C5orf47: variants seen among roughly 807,000 people sequenced by gnomAD.
C5orf47 encodes the protein chromosome 5 open reading frame 47.
C5orf47 carries 20 observed loss-of-function variants against 20.6 expected under a neutral mutation model. The observed-to-expected ratio is 0.97, with a 90% CI of 0.68 to 1.41. C5orf47 has a LOEUF of 1.41. Among genes scored for constraint, C5orf47 ranks in the 40% most tolerant of loss-of-function variants. The probability of loss-of-function intolerance (pLI) is 0.00; values close to 1 mark genes in which losing one functional copy is unlikely to be tolerated. For missense variants in C5orf47, 262 were observed against 238.4 expected (o/e 1.10, Z -0.65); for synonymous variants, 106 against 97.3 (o/e 1.09, Z -0.53).
chr5:174,006,299 G>C (rs1759292746), downstream of C5orf47, among the ~76,000 whole-genome samples: 1 of 152,184 alleles, frequency 6.6e-6, no homozygotes, highest in African/African-American at 2.4e-5. Context: ...GCAACTTACG[G>C]TTTGGGTTCT....
chr5:173,990,128 T>A (rs1028195040), intron 1 of C5orf47, among the ~76,000 whole-genome samples: 1 of 116,510 alleles, frequency 8.6e-6, no homozygotes, highest in African/African-American at 2.8e-5. Flanking sequence ...GAAGCCAATT[T>A]TTTTTTTTTT....
intron 1 of C5orf47, among the ~76,000 whole-genome samples, chr5:173,997,709 G>GGT (rs112339082): frequency 0.049 from 7,290 of 150,226 alleles, 339 homozygotes; most frequent in African/African-American, 0.12. Flanking sequence ...TGCCTGGGAG[G>GGT]GTGTGTGTGT....
In C5orf47 at chr5:173,989,493, T is replaced by A. The variant is rs1270607041; in HGVS notation, c.230T>A (p.Val77Asp). The A allele has an allele frequency of 6.5e-7, 1 of 1,546,358 alleles. No homozygotes were observed. The highest frequency in any genetic ancestry group is 1.4e-5 in the African/African-American group (1 of 72,708). Reference sequence around the variant, plus strand: ...CTGCCCCTCGGTTCCCAGCTCAGGGTCCCCACGACCCCTGGTGTGGAGGCT... The same window carrying A: ...CTGCCCCTCGGTTCCCAGCTCAGGGACCCCACGACCCCTGGTGTGGAGGCT... ...SELPLGSQLR[V>D]PTTPGVEAAA... Residue 77 changes from valine to aspartate, a missense_variant, in exon 1 of 5, where the codon GTC becomes GAC. Val to Asp is a radical substitution (Grantham distance 152, BLOSUM62 -3). Coordinates refer to ENST00000340147, the MANE Select transcript of C5orf47 (RefSeq NM_001144954.2).
chr5:173,998,884 C>T (rs191153264), intron 2 of C5orf47, among the ~76,000 whole-genome samples: 5 of 152,148 alleles, frequency 3.3e-5, no homozygotes, highest in East Asian at 1.9e-4. Flanking sequence ...GTTTGATATC[C>T]GTGTATGGTA....
At chr5:173,991,507 G>GT (rs553188666) in intron 1 of C5orf47, among the ~76,000 whole-genome samples, 4,699 of 137,682 alleles carry the variant, frequency 0.034, 116 homozygotes, top group African/African-American at 0.078. Flanking sequence ...TTCAGTGTTT[G>GT]TTTTTTTTTT....
At chr5:173,997,065 T>A (rs1759111609) in intron 1 of C5orf47, among the ~76,000 whole-genome samples, 1 of 152,246 alleles carries the variant, frequency 6.6e-6, no homozygotes, top group Non-Finnish European at 1.5e-5. Flanking sequence ...AATGGAATAC[T>A]TATTGTATAG....
intron 1 of C5orf47, among the ~76,000 whole-genome samples, chr5:173,997,479 T>C (rs1018910493): frequency 8.5e-5 from 13 of 152,202 alleles, no homozygotes; most frequent in African/African-American, 3.1e-4. Context: ...AGTACTACTA[T>C]GTGTGTGGTA....
chr5:174,008,410 T>C (rs1324637210), downstream of C5orf47, among the ~76,000 whole-genome samples: 5 of 152,196 alleles, frequency 3.3e-5, no homozygotes, highest in African/African-American at 1.2e-4. Context: ...GAAGACCTTA[T>C]GATGTTAGAG....
rs1025035861 is a variant in C5orf47, at chr5:173,989,174, G to A, written c.-90G>A. The A allele has an allele frequency of 5.3e-6, 6 of 1,135,368 alleles. No homozygotes were observed. The highest frequency in any genetic ancestry group is 4.9e-5 in the African/African-American group (3 of 60,888). The allele number at this position is 1,135,368 out of a possible 1,614,324, so 70.3% of individuals were successfully genotyped here. On this transcript the variant is annotated 5_prime_UTR_variant, in exon 1 of 5. Transcript: ENST00000340147. The stretch of plus-strand genomic sequence containing the variant: ...CCCGCAGGGTGGTCTGGCCCTAACC[G>A]CTCCCGCATCCCTCGCCTGCACAGT...
At chr5:173,992,935 C>T (rs1192687200) in intron 1 of C5orf47, among the ~76,000 whole-genome samples, 2 of 152,188 alleles carry the variant, frequency 1.3e-5, no homozygotes, top group African/African-American at 4.8e-5. Flanking sequence ...TTAAATCATG[C>T]TTGCCCCTTT....
chr5:173,994,883 G>A (rs1338543944), intron 1 of C5orf47, among the ~76,000 whole-genome samples: 3 of 151,582 alleles, frequency 2.0e-5, no homozygotes, highest in South Asian at 2.1e-4. Flanking sequence ...GTGTGATCTC[G>A]GCTCACTGCA....
chr5:174,001,404 C>A (rs1759194450), intron 4 of C5orf47, among the ~76,000 whole-genome samples, 173 bp downstream of exon 4: 1 of 151,978 alleles, frequency 6.6e-6, no homozygotes. Flanking sequence ...ACTTACTGAC[C>A]TTTAAAACTT....
downstream of C5orf47, among the ~76,000 whole-genome samples, chr5:174,006,932 G>C (rs1277782480): frequency 6.6e-6 from 1 of 152,190 alleles, no homozygotes; most frequent in East Asian, 1.9e-4. Context: ...TTGCACCCAA[G>C]CCAATGATTA....
At chr5:173,991,184 C>T (rs1758990843) in intron 1 of C5orf47, among the ~76,000 whole-genome samples, 1 of 152,104 alleles carries the variant, frequency 6.6e-6, no homozygotes, top group Admixed American at 6.5e-5. Context: ...TTTTTGTTTA[C>T]TCACTGGATA....
At chr5:173,990,112 G>T (rs1758962706) in intron 1 of C5orf47, among the ~76,000 whole-genome samples, 1 of 149,272 alleles carries the variant, frequency 6.7e-6, no homozygotes, top group Non-Finnish European at 1.5e-5. Flanking sequence ...TGCTCACTGT[G>T]TATAGGAAGC....
chr5:173,989,723 C>A, intron 1 of C5orf47, 135 bp downstream of exon 1: 1 of 790,310 alleles, frequency 1.3e-6, no homozygotes, highest in African/African-American at 1.8e-5. Context: ...TGCGAGCACG[C>A]GCAGGGGCGA....
At chr5:174,001,604 C>T (rs1003324905) in intron 4 of C5orf47, among the ~76,000 whole-genome samples, 3 of 151,984 alleles carry the variant, frequency 2.0e-5, no homozygotes, top group African/African-American at 4.8e-5. Context: ...TTTGAATATA[C>T]TGTCATATTT....
In C5orf47 at chr5:174,005,080, C is replaced by T. The variant is rs1256649078; in HGVS notation, c.*826C>T. 6.6e-6 allele frequency: 1 copy of T among 152,038 alleles called. No homozygotes were observed. Among genetic ancestry groups the T allele is most frequent in the Non-Finnish European group, 1.5e-5 (1 of 67,986 alleles). 9.4% of individuals were successfully genotyped at this position (152,038 alleles called of 1,614,324 possible). On this transcript the variant is annotated 3_prime_UTR_variant, in exon 5 of 5. Coordinates refer to ENST00000340147, the MANE Select transcript of C5orf47 (RefSeq NM_001144954.2). ...CTCCGCCAGTTTTTCTGCTTTTTTG[C>T]TGGTACGATCTCTCTTTCTAAATTG...
intron 2 of C5orf47, 42 bp downstream of exon 2, chr5:173,998,280 G>T (rs1180622541): frequency 2.0e-6 from 2 of 1,024,608 alleles, no homozygotes; most frequent in Admixed American, 5.0e-5. Context: ...TTGAATTTTA[G>T]ATCATCCTCT....
Sources: gnomAD v4.1 joint callset for allele counts (sites outside exome capture counted in the v4.1 genomes callset) on GRCh38, gnomAD v4.1.1 for gene constraint, MANE v1.5 for transcripts, NCBI Gene and HGNC (gene_info 2026-07-23, HGNC 2026-07-21) for gene names.